Variants in NBAS observed in about 807,000 individuals in gnomAD.
NBAS encodes NAG/BC035112 fusion.
Under a neutral mutation model 302.5 loss-of-function variants are expected in NBAS, and 219 were observed. The ratio of observed to expected loss-of-function variants is 0.72; its 90% CI spans 0.65 to 0.81. NBAS has a LOEUF of 0.81. NBAS is among the 30% of genes least tolerant of loss of function. The probability of loss-of-function intolerance (pLI) is 0.00; values close to 1 mark genes in which losing one functional copy is unlikely to be tolerated. For synonymous variants in NBAS, 1,118 were observed against 1,021.6 expected (o/e 1.09, Z -1.80); for missense variants, 2,932 against 2,841.6 (o/e 1.03, Z -0.72).
chr2:14,855,840 G>A, the NBAS span, among the ~76,000 whole-genome samples: 1 of 152,178 alleles, frequency 6.6e-6, no homozygotes, highest in African/African-American at 2.4e-5. Context: ...GGGCTTGTGA[G>A]ACCTCACCAC....
chr2:15,349,340 G>A (rs1483289015), intron 35 of NBAS, among the ~76,000 whole-genome samples: 1 of 152,286 alleles, frequency 6.6e-6, no homozygotes, highest in East Asian at 1.9e-4. Context: ...GAACTGTTCT[G>A]AATCCCACAG....
Position 15,276,974 on chromosome 2 carries a change from G to A in NBAS, c.5266C>T (p.His1756Tyr), listed in dbSNP as rs1218247822. Residue 1756 changes from histidine (H) to tyrosine (Y), a missense_variant, in exon 43 of 52, where the codon CAC (histidine) becomes TAC (tyrosine). Physicochemically the swap from His to Tyr is moderately conservative, Grantham distance 83 (BLOSUM62 2). Coordinates refer to ENST00000281513, the MANE Select transcript of NBAS (RefSeq NM_015909.4). ...GTGAAATAATACTGCAGCCTTTCGT[G>A]ATCAAAGCCACCAATAGTAGGGTAA... is the stretch of plus-strand genomic sequence containing the variant. ...YIYPTIGGFD[H>Y]ERLQYYFTLL... 2 of 1,613,864 alleles carry A rather than the reference G, an allele frequency of 1.2e-6. No homozygotes were observed. The highest frequency in any genetic ancestry group is 1.7e-5 in the Admixed American group (1 of 59,962).
intron 11 of NBAS, among the ~76,000 whole-genome samples, chr2:15,503,923 T>C (rs1234625276): frequency 6.6e-6 from 1 of 152,242 alleles, no homozygotes; most frequent in African/African-American, 2.4e-5. Flanking sequence ...GTATATTCTC[T>C]ATAATTATTT....
chr2:15,309,181 G>A lies in NBAS; in HGVS notation c.4649C>T (p.Ala1550Val), dbSNP rs772268917. 161 of 1,612,380 alleles carry A rather than the reference G, an allele frequency of 1.0e-4. 3 individuals carry two copies. The highest frequency in any genetic ancestry group is 1.6e-5 in the Non-Finnish European group (19 of 1,178,976). Residue 1550 changes from alanine (A) to valine (V), a missense_variant, in exon 39 of 52, where the codon GCC (alanine) becomes GTC (valine). Coordinates refer to ENST00000281513, the MANE Select transcript of NBAS (RefSeq NM_015909.4). ...DMTLALAYLL[A>V]LPQVLDANRC... ...TAAGGGCAAACTTACTTGTGGTAAG[G>A]CAAGAAGGTAAGCAAGAGCCAAGGT...
intron 11 of NBAS, among the ~76,000 whole-genome samples, chr2:15,503,073 A>C (rs1007026438): frequency 2.6e-5 from 4 of 152,186 alleles, no homozygotes; most frequent in Non-Finnish European, 4.4e-5. Flanking sequence ...AGGCCAACAC[A>C]GGGTCAGGAT....
At chr2:14,955,471 T>C in the NBAS span, among the ~76,000 whole-genome samples, 2 of 152,366 alleles carry the variant, frequency 1.3e-5, no homozygotes, top group African/African-American at 4.8e-5. Context: ...GGAATCTGTA[T>C]GGAGGCTCTG....
At chr2:15,554,262 A>G (rs922057799) in intron 3 of NBAS, 124 bp from the exon 4 acceptor site, 2 of 855,168 alleles carry the variant, frequency 2.3e-6, no homozygotes, top group Admixed American at 2.1e-5. Flanking sequence ...TAAAATTTGA[A>G]TATTAGCAAA....
the NBAS span, among the ~76,000 whole-genome samples, chr2:15,098,292 A>ATATATTATATATTG: frequency 7.2e-4 from 2 of 2,790 alleles, 1 homozygote; most frequent in African/African-American, 2.8e-3. Context: ...AATATATATT[A>ATATATTATATATTG]TATACAATAT....
At chr2:15,419,103 T>C (rs1367889544) in intron 23 of NBAS, among the ~76,000 whole-genome samples, 1 of 152,222 alleles carries the variant, frequency 6.6e-6, no homozygotes, top group African/African-American at 2.4e-5. Flanking sequence ...GTTCACACAC[T>C]TATTCACAGA....
the NBAS span, among the ~76,000 whole-genome samples, chr2:14,805,038 C>T: frequency 6.6e-6 from 1 of 152,188 alleles, no homozygotes; most frequent in Non-Finnish European, 1.5e-5. Context: ...TCACTCCACA[C>T]ATACAATATG....
intron 13 of NBAS, among the ~76,000 whole-genome samples, chr2:15,477,216 A>C (rs1680229741): frequency 6.6e-6 from 1 of 152,186 alleles, no homozygotes; most frequent in Non-Finnish European, 1.5e-5. Flanking sequence ...ATGGAACCTG[A>C]TGCATAATAT....
chr2:15,178,056 T>C (rs1349524270), intron 51 of NBAS: 4 of 434,600 alleles, frequency 9.2e-6, no homozygotes, highest in Non-Finnish European at 1.9e-5. Flanking sequence ...AAGAAAACTT[T>C]ATATCAGTGA....
At chr2:14,956,177 T>C in the NBAS span, among the ~76,000 whole-genome samples, 1 of 152,188 alleles carries the variant, frequency 6.6e-6, no homozygotes, top group African/African-American at 2.4e-5. Context: ...GTCACTTTTA[T>C]TCCAGTTCAT....
the NBAS span, among the ~76,000 whole-genome samples, chr2:15,058,833 T>C: frequency 6.6e-6 from 1 of 152,212 alleles, no homozygotes; most frequent in Non-Finnish European, 1.5e-5. Flanking sequence ...TTTAGCTGAC[T>C]ATTTGTTGAC....
chr2:15,308,599 A>T (rs1671135426), intron 39 of NBAS, among the ~76,000 whole-genome samples: 1 of 152,208 alleles, frequency 6.6e-6, no homozygotes, highest in African/African-American at 2.4e-5. Context: ...CTCTCTAGAT[A>T]CTGACCAGGA....
chr2:15,561,111 C>T (rs1230293688), intron 1 of NBAS, 77 bp downstream of exon 1: 5 of 1,048,308 alleles, frequency 4.8e-6, no homozygotes, highest in African/African-American at 3.2e-5. Flanking sequence ...CACTCCCCTA[C>T]GTGGCTCCTG....
the NBAS span, among the ~76,000 whole-genome samples, chr2:15,075,760 T>TACACACAC: frequency 0.071 from 10,652 of 150,030 alleles, 469 homozygotes; most frequent in Non-Finnish European, 0.11. Flanking sequence ...CCAAAATTTA[T>TACACACAC]ACACACACAC....
chr2:15,421,032 C>T (rs1372716350), intron 23 of NBAS, among the ~76,000 whole-genome samples: 2 of 152,020 alleles, frequency 1.3e-5, no homozygotes, highest in Non-Finnish European at 2.9e-5. Context: ...AATATGGGGG[C>T]TCTCCCAGTA....
the NBAS span, among the ~76,000 whole-genome samples, chr2:15,045,756 G>C: frequency 6.6e-6 from 1 of 152,178 alleles, no homozygotes; most frequent in African/African-American, 2.4e-5. Flanking sequence ...TCACAAAGTA[G>C]TTCTACGCCA....
Sources: allele counts gnomAD v4.1 joint callset (sites outside exome capture counted in the v4.1 genomes callset), GRCh38; gene constraint gnomAD v4.1.1; transcripts MANE v1.5; gene names NCBI Gene and HGNC (gene_info 2026-07-23, HGNC 2026-07-21).